Variants in ARF4 observed in about 807,000 individuals in gnomAD.
The protein encoded by ARF4 is ARF GTPase 4, also known as ADP-ribosylation factor 4.
Under a neutral mutation model 24.3 loss-of-function variants are expected in ARF4, and 5 were observed. That is an observed-to-expected ratio of 0.21 (90% confidence interval 0.11 to 0.43). The LOEUF is 0.43. ARF4 is among the 20% of genes least tolerant of loss of function. ARF4 has a pLI of 1.00. For missense variants in ARF4, 107 were observed against 213.0 expected (o/e 0.50, Z 3.10); for synonymous variants, 62 against 73.5 (o/e 0.84, Z 0.80).
rs781707837 is a variant in ARF4, at chr3:57,572,104, C to CA, written c.*107dup. On this transcript the variant is annotated 3_prime_UTR_variant, in exon 6 of 6. Transcript: ENST00000303436. ...AACAAAATAAGTTTAATATTCTGCC[C>CA]AAACCAGTCCCAGATACTGTTTAAT... 46 of 821,764 alleles carry CA rather than the reference C, an allele frequency of 5.6e-5. No individual in the cohort carries two copies. In the South Asian group the frequency reaches 6.6e-4, roughly 12 times the overall value. 50.9% of individuals were successfully genotyped at this position (821,764 alleles called of 1,614,324 possible).
intron 4 of ARF4, 37 bp from the exon 5 acceptor site, chr3:57,575,710 C>T (rs764608831): frequency 9.6e-6 from 15 of 1,564,868 alleles, no homozygotes; most frequent in African/African-American, 2.8e-5. Flanking sequence ...AACTACCAAC[C>T]GGAATCCAAT....
intron 1 of ARF4, among the ~76,000 whole-genome samples, chr3:57,588,922 G>C (rs1357656852): frequency 6.6e-6 from 1 of 152,130 alleles, no homozygotes; most frequent in Non-Finnish European, 1.5e-5. Context: ...GACCAACATG[G>C]AGAAAGCCCG....
intron 3 of ARF4, among the ~76,000 whole-genome samples, chr3:57,577,864 G>C (rs943367665): frequency 6.6e-6 from 1 of 151,910 alleles, no homozygotes; most frequent in African/African-American, 2.4e-5. Context: ...GACCAGCCTG[G>C]GCAACATGGC....
rs75367850 is a variant in ARF4, at chr3:57,584,610, A to G, written c.68-146T>C. 3.1e-3 allele frequency: 2,145 copies of G among 689,738 alleles called. 26 individuals are homozygous for G. In the African/African-American group the frequency reaches 0.035, roughly 11 times the overall value. 42.7% of individuals were successfully genotyped at this position (689,738 alleles called of 1,614,324 possible). On this transcript the variant is annotated intron_variant, in intron 1 of 5. Transcript: ENST00000303436. The stretch of plus-strand genomic sequence containing the variant: ...TAGAAATGAAATGACCTTATTTCTG[A>G]TTCCCAAAGGCAACACTTCCTACAG...
intron 4 of ARF4, 65 bp from the exon 5 acceptor site, chr3:57,575,738 T>C (rs1437357877): frequency 4.0e-6 from 6 of 1,493,838 alleles, no homozygotes; most frequent in Non-Finnish European, 5.4e-6. Context: ...AATGTCTTCC[T>C]ATATATACTT....
chr3:57,595,749 G>A (rs1438670027), intron 1 of ARF4, among the ~76,000 whole-genome samples: 1 of 152,102 alleles, frequency 6.6e-6, no homozygotes, highest in Admixed American at 6.6e-5. Context: ...AGGAGTTCGA[G>A]ACCAGACTGG....
chr3:57,587,284 A>G (rs1338374005), intron 1 of ARF4, among the ~76,000 whole-genome samples: 2 of 149,946 alleles, frequency 1.3e-5, no homozygotes, highest in Non-Finnish European at 1.5e-5. Flanking sequence ...GTGCCATTGC[A>G]CTACAGCCTG....
Position 57,597,283 on chromosome 3 carries a change from GGCCCC to G in ARF4, c.-148_-144del. ...AAGAGGGAGGCAGAAACGTCTCAGT[GGCCCC>G]TGTGCCGATGAAGATCCGGCACAGG... On this transcript the variant is annotated 5_prime_UTR_variant, in exon 1 of 6. Transcript: ENST00000303436. 1 of 766,478 alleles carries G rather than the reference GGCCCC, an allele frequency of 1.3e-6. No homozygotes were observed. The allele number at this position is 766,478 out of a possible 1,614,324, so 47.5% of individuals were successfully genotyped here.
chr3:57,578,720 C>A (rs2069935037), intron 3 of ARF4, among the ~76,000 whole-genome samples: 1 of 152,110 alleles, frequency 6.6e-6, no homozygotes, highest in Non-Finnish European at 1.5e-5. Flanking sequence ...CTCAAGTGAT[C>A]CACCCATCTT....
At chr3:57,577,475 T>TA in intron 3 of ARF4, 88 bp from the exon 4 acceptor site, 5 of 975,104 alleles carry the variant, frequency 5.1e-6, no homozygotes, top group Non-Finnish European at 8.0e-6. Flanking sequence ...TACCAATGGT[T>TA]AGACATTAGG....
At chr3:57,578,604 C>G (rs1159572017) in intron 3 of ARF4, among the ~76,000 whole-genome samples, 2 of 151,990 alleles carry the variant, frequency 1.3e-5, no homozygotes, top group African/African-American at 4.8e-5. Context: ...CTCAGCCTCC[C>G]AAGTAGCTGG....
chr3:57,579,180 G>A (rs1196362897), intron 3 of ARF4, among the ~76,000 whole-genome samples: 1 of 149,828 alleles, frequency 6.7e-6, no homozygotes, highest in Admixed American at 6.7e-5. Context: ...CAGCTACTTG[G>A]CAGGCGGAGG....
chr3:57,583,121 T>G (rs1204525863), intron 3 of ARF4, among the ~76,000 whole-genome samples: 4 of 152,184 alleles, frequency 2.6e-5, no homozygotes, highest in Non-Finnish European at 5.9e-5. Context: ...AATAGTGCTG[T>G]GCTGTAAGAT....
chr3:57,579,215 T>C (rs559901608), intron 3 of ARF4, among the ~76,000 whole-genome samples: 7 of 112,884 alleles, frequency 6.2e-5, no homozygotes, highest in African/African-American at 1.7e-4. Context: ...GATGGCGCCA[T>C]TGCACTCCAG....
Position 57,572,289 on chromosome 3 carries a change from G to C in ARF4, c.466C>G (p.Gln156Glu). The C allele has an allele frequency of 6.2e-7, 1 of 1,613,070 alleles. No individual in the cohort carries two copies. The highest frequency in any genetic ancestry group is 8.5e-7 in the Non-Finnish European group (1 of 1,179,132). The change falls in exon 6 of 6, where the codon CAA becomes GAA. Residue 156 changes from glutamine (Q) to glutamate (E), a missense_variant. Gln to Glu is a conservative substitution (Grantham distance 29). Transcript: ENST00000303436. Reference sequence around the variant, plus strand: ...GTTCCTTGTGTTGCACAAGTGGCTTGAACATACCACTGTAAAGAGAAGACA... The same window carrying C: ...GTTCCTTGTGTTGCACAAGTGGCTTCAACATACCACTGTAAAGAGAAGACA... ...QSLRNRTWYV[Q>E]ATCATQGTGL... is the part of the protein sequence containing the mutation.
At position 57,578,403 on chromosome 3, in the gene ARF4, A is replaced by G. The variant is rs151310569; in HGVS notation, c.259-1016T>C. 1.3e-4 allele frequency among the ~76,000 whole-genome samples: 20 copies of G among 150,440 alleles called. No homozygotes were observed. In the East Asian group the frequency reaches 3.9e-3, roughly 29 times the overall value. On this transcript the variant is annotated intron_variant, in intron 3 of 5. Transcript: ENST00000303436. Reference sequence around the variant, plus strand: ...AACCCTATCTCTTAAAAAAAAAAAGAAAGAAAAATTCAAGATTTACCTGAT... The same window carrying G: ...AACCCTATCTCTTAAAAAAAAAAAGGAAGAAAAATTCAAGATTTACCTGAT...
rs137855874 is a variant in ARF4 at position 57,587,280 on chromosome 3, T to C, written c.68-2816A>G. Among the ~76,000 whole-genome samples the C allele has an allele frequency of 1.9e-3, 281 of 144,808 alleles. 12 individuals carry two copies. In the East Asian group the frequency reaches 0.046, roughly 24 times the overall value. The allele number at this position is 144,808 out of a possible 152,430, so 95.0% of individuals were successfully genotyped here. On this transcript the variant is annotated intron_variant, in intron 1 of 5. Transcript: ENST00000303436. ...GTTGCAGTGAGCCGAGATCGTGCCA[T>C]TGCACTACAGCCTGGACAACAAGAG...
At chr3:57,590,736 T>G (rs1339672828) in intron 1 of ARF4, among the ~76,000 whole-genome samples, 3 of 152,150 alleles carry the variant, frequency 2.0e-5, no homozygotes, top group African/African-American at 7.2e-5. Context: ...TGGAGTGCAG[T>G]GGTGCAAACA....
intron 1 of ARF4, among the ~76,000 whole-genome samples, chr3:57,587,161 A>C (rs530439966): frequency 1.3e-5 from 2 of 152,188 alleles, no homozygotes; most frequent in East Asian, 3.9e-4. Flanking sequence ...TCTACTAAAA[A>C]TACAGAAACT....
Sources: allele counts gnomAD v4.1 joint callset (sites outside exome capture counted in the v4.1 genomes callset), GRCh38; gene constraint gnomAD v4.1.1; transcripts MANE v1.5; gene names NCBI Gene and HGNC (gene_info 2026-07-23, HGNC 2026-07-21).